Variants in MAGEB1 observed in about 807,000 individuals in gnomAD.
The protein encoded by MAGEB1 is melanoma-associated antigen B1.
For synonymous variants in MAGEB1, 99 were observed against 105.7 expected (o/e 0.94, Z 0.39); for missense variants, 290 against 286.7 (o/e 1.01, Z -0.08).
chrX:30,243,897 G>A (rs990758416), upstream of MAGEB1: 6 of 124,367 alleles, frequency 4.8e-5, no homozygotes, highest in Admixed American at 1.9e-4. Flanking sequence ...TAACATATTT[G>A]TATGTAAAAT....
chrX:30,249,711 A>G (rs1383320510), intron 1 of MAGEB1, among the ~76,000 whole-genome samples: 1 of 111,587 alleles, frequency 9.0e-6, no homozygotes, highest in Non-Finnish European at 1.9e-5. Context: ...CCTTACTATG[A>G]GTAAATGTCC....
chrX:30,249,380 C>T (rs1925429078), intron 1 of MAGEB1, among the ~76,000 whole-genome samples: 1 of 111,693 alleles, frequency 9.0e-6, no homozygotes, highest in African/African-American at 3.3e-5. Context: ...ACTCCCACCT[C>T]ATCAGTGGGG....
intron 1 of MAGEB1, 57 bp from the exon 2 acceptor site, chrX:30,250,377 C>A: frequency 1.6e-6 from 1 of 636,350 alleles, no homozygotes; most frequent in Non-Finnish European, 2.3e-6. Flanking sequence ...TCTCTAAAAG[C>A]CAAGGTGGTA....
rs1925472744 is a variant in MAGEB1 at position 30,250,470 on chromosome X, C to CT, written c.-23dup. 8.7e-7 allele frequency: 1 copy of CT among 1,146,767 alleles called. No homozygotes were observed. The highest frequency in any genetic ancestry group is 1.2e-6 in the Non-Finnish European group (1 of 859,909). The allele number at this position is 1,146,767 out of a possible 1,213,427, so 94.5% of individuals were successfully genotyped here. On this transcript the variant is annotated 5_prime_UTR_variant, in exon 2 of 2. Transcript: ENST00000397548. ...CCTGCCTTTCTGCTCACTTTCCTGC[C>CT]TGTTTTGCCTGACCACAGCCATCAT...
chrX:30,245,156 A>G (rs1487906959), upstream of MAGEB1, among the ~76,000 whole-genome samples: 1 of 111,525 alleles, frequency 9.0e-6, no homozygotes, highest in Non-Finnish European at 1.9e-5. Context: ...GAGAAAGACA[A>G]CTCCACACTC....
chrX:30,250,618 C>G lies in MAGEB1; in HGVS notation c.125C>G (p.Ser42Cys). The change falls in exon 2 of 2, where the codon TCT becomes TGT. Residue 42 changes from serine to cysteine, a missense_variant. By Grantham distance (112) the Ser-to-Cys change is moderately radical (BLOSUM62 -1). Transcript: ENST00000397548. ...GAGAAAGAGGAGTGCCCCTCCTCCT[C>G]TCCTGTTTTAGGGGATACTCCCACA... Reference protein sequence around the residue: ...AAEKEECPSSSPVLGDTPTSS... With the variant: ...AAEKEECPSSCPVLGDTPTSS... The G allele has an allele frequency of 8.3e-7, 1 of 1,209,284 alleles. No homozygotes were observed. The highest frequency in any genetic ancestry group is 1.1e-6 in the Non-Finnish European group (1 of 894,077).
chrX:30,251,107 T>C lies in MAGEB1; in HGVS notation c.614T>C (p.Leu205Pro). The C allele has an allele frequency of 2.5e-6, 3 of 1,210,711 alleles. No individual in the cohort carries two copies. Among genetic ancestry groups the C allele is most frequent in the Non-Finnish European group, 3.4e-6 (3 of 894,852 alleles). Reference protein sequence around the residue: ...FPRNGLLMPLLGVIFLKGNSA... With the variant: ...FPRNGLLMPLPGVIFLKGNSA... Reference sequence around the variant, plus strand: ...AGGAATGGGCTTCTGATGCCTCTCCTGGGTGTGATCTTCTTAAAGGGCAAC... The same window carrying C: ...AGGAATGGGCTTCTGATGCCTCTCCCGGGTGTGATCTTCTTAAAGGGCAAC... Residue 205 changes from leucine (L) to proline (P), a missense_variant, in exon 2 of 2, where the codon CTG (leucine) becomes CCG (proline). Physicochemically the swap from Leu to Pro is moderately conservative, Grantham distance 98. Transcript: ENST00000397548.
intron 1 of MAGEB1, among the ~76,000 whole-genome samples, chrX:30,249,688 A>T (rs1925440410): frequency 9.0e-6 from 1 of 111,204 alleles, no homozygotes; most frequent in African/African-American, 3.3e-5. Flanking sequence ...ATTGGGTCTC[A>T]GGCAGATGTA....
rs1925471139 is a variant in MAGEB1 at position 30,250,420 on chromosome X, T to C, written c.-60-14T>C. On this transcript the variant is annotated splice_polypyrimidine_tract_variant and intron_variant, in intron 1 of 1. Transcript: ENST00000397548. Reference sequence around the variant, plus strand: ...GCTGCAAGTACTCACAGGATCTCATTCTCTCTCCTTCAGGTGCCACATCTC... The same window carrying C: ...GCTGCAAGTACTCACAGGATCTCATCCTCTCTCCTTCAGGTGCCACATCTC... 1.1e-6 allele frequency: 1 copy of C among 894,877 alleles called. No homozygotes were observed. The allele number at this position is 894,877 out of a possible 1,213,427, so 73.7% of individuals were successfully genotyped here.
chrX:30,250,855 G>A lies in MAGEB1; in HGVS notation c.362G>A (p.Arg121His), dbSNP rs776705490. 52 of 1,210,082 alleles carry A rather than the reference G, an allele frequency of 4.3e-5. No individual in the cohort carries two copies. The highest frequency in any genetic ancestry group is 1.1e-4 in the Admixed American group (5 of 45,939). The change falls in exon 2 of 2, where the codon CGT becomes CAT. Residue 121 changes from arginine (R) to histidine (H), a missense_variant. Arg to His is a conservative substitution (Grantham distance 29). Transcript: ENST00000397548. Reference protein sequence around the residue: ...EAGMLMHFILRKYKMREPIMK... With the variant: ...EAGMLMHFILHKYKMREPIMK... ...GGAATGCTGATGCACTTCATTCTAC[G>A]TAAGTATAAAATGAGAGAGCCCATT...
upstream of MAGEB1, among the ~76,000 whole-genome samples, chrX:30,246,659 A>C (rs777750794): frequency 1.2e-4 from 14 of 112,154 alleles, no homozygotes; most frequent in Admixed American, 1.1e-3. Context: ...GGACTCCACC[A>C]GCAGATGAGT....
chrX:30,247,808 G>C (rs887876542), intron 1 of MAGEB1, among the ~76,000 whole-genome samples: 30 of 110,371 alleles, frequency 2.7e-4, no homozygotes, highest in African/African-American at 8.9e-4. Context: ...GCCAGGCGTG[G>C]TGGTGGGCTG....
chrX:30,250,608 CCCT>C lies in MAGEB1; in HGVS notation c.123_125del (p.Ser42del), dbSNP rs1420746816. 1 of 1,208,051 alleles carries C rather than the reference CCCT, an allele frequency of 8.3e-7. No individual in the cohort carries two copies. Among genetic ancestry groups the C allele is most frequent in the Non-Finnish European group, 1.1e-6 (1 of 893,230 alleles). The stretch of plus-strand genomic sequence containing the variant: ...CACTGCAGCAGAGAAAGAGGAGTGC[CCCT>C]CCTCCTCTCCTGTTTTAGGGGATAC... On this transcript the variant is annotated inframe_deletion, in exon 2 of 2. Transcript: ENST00000397548.
intron 1 of MAGEB1, among the ~76,000 whole-genome samples, chrX:30,249,432 G>C (rs5973801): frequency 0.23 from 25,153 of 110,376 alleles, 2,744 homozygotes; most frequent in Non-Finnish European, 0.33. Context: ...AGGAAGCCCC[G>C]AGCATAAATG....
chrX:30,251,595 G>C lies in MAGEB1; in HGVS notation c.*58G>C, dbSNP rs1925534939. On this transcript the variant is annotated 3_prime_UTR_variant, in exon 2 of 2. Transcript: ENST00000397548. The stretch of plus-strand genomic sequence containing the variant: ...GGCAAGATGCCAACCTTTTGAAGTA[G>C]TGAGCAGCCAAGATATGGCTAGAGA... The C allele has an allele frequency of 4.4e-5, 44 of 1,006,670 alleles. No homozygotes were observed. Among genetic ancestry groups the C allele is most frequent in the Non-Finnish European group, 5.5e-5 (40 of 728,470 alleles). 83.0% of individuals were successfully genotyped at this position (1,006,670 alleles called of 1,213,427 possible). A position where few individuals can be genotyped will look rare whatever the true frequency, so the allele number is the denominator to read the frequency against.
intron 1 of MAGEB1, chrX:30,247,487 T>C (rs1925360084): frequency 9.0e-6 from 1 of 111,303 alleles, no homozygotes. Context: ...GGACCCTGAG[T>C]GTAAATTGAA....
At position 30,250,612 on chromosome X, in the gene MAGEB1, C is replaced by T; in HGVS notation, c.119C>T (p.Ser40Phe). The change falls in exon 2 of 2, where the codon TCC (serine) becomes TTC (phenylalanine). Residue 40 changes from serine to phenylalanine, a missense_variant. Transcript: ENST00000397548. The stretch of plus-strand genomic sequence containing the variant: ...GCAGCAGAGAAAGAGGAGTGCCCCT[C>T]CTCCTCTCCTGTTTTAGGGGATACT... ...ATAAEKEECP[S>F]SSPVLGDTPT... 8.3e-7 allele frequency: 1 copy of T among 1,208,613 alleles called. No homozygotes were observed. Among genetic ancestry groups the T allele is most frequent in the African/African-American group, 1.7e-5 (1 of 57,847 alleles).
chrX:30,248,578 G>A (rs760209316), intron 1 of MAGEB1, among the ~76,000 whole-genome samples: 1 of 111,585 alleles, frequency 9.0e-6, no homozygotes, highest in Non-Finnish European at 1.9e-5. Flanking sequence ...GACACTGAGG[G>A]AGTATGAGGG....
rs941869660 is a variant in MAGEB1 at position 30,250,502 on chromosome X, G to C, written c.9G>C (p.Arg3=). The stretch of plus-strand genomic sequence containing the variant: ...GCCTGACCACAGCCATCATGCCTCG[G>C]GGTCAGAAGAGTAAGCTCCGTGCTC... MP[R]GQKSKLRARE... Residue 3 remains arginine (R), a synonymous_variant, in exon 2 of 2, where the codon CGG becomes CGC. Transcript: ENST00000397548. 3 of 1,181,326 alleles carry C rather than the reference G, an allele frequency of 2.5e-6. No homozygotes were observed. The highest frequency in any genetic ancestry group is 1.8e-5 in the African/African-American group (1 of 56,492).
Sources: allele counts gnomAD v4.1 joint callset (sites outside exome capture counted in the v4.1 genomes callset), GRCh38; gene constraint gnomAD v4.1.1; transcripts MANE v1.5; gene names NCBI Gene and HGNC (gene_info 2026-07-23, HGNC 2026-07-21).